NAA16: variants seen among roughly 807,000 people sequenced by gnomAD.
NAA16 encodes NARG1-like protein.
A neutral mutation model predicts 110.3 loss-of-function variants in NAA16; 97 were observed. The observed-to-expected ratio is 0.88, with a 90% CI of 0.75 to 1.04. The LOEUF (loss-of-function observed/expected upper bound fraction) is 1.04, where lower values mean the gene tolerates loss of function less well. Among genes scored for constraint, NAA16 ranks in the 50% least tolerant of loss-of-function variants. The pLI is 0.00. For synonymous variants in NAA16, 372 were observed against 330.6 expected (o/e 1.13, Z -1.36); for missense variants, 1,017 against 1,005.1 (o/e 1.01, Z -0.16).
intron 2 of NAA16, among the ~76,000 whole-genome samples, chr13:41,318,288 C>T (rs185875362): frequency 2.0e-5 from 3 of 152,048 alleles, no homozygotes; most frequent in East Asian, 3.9e-4. Flanking sequence ...TCACTGCAAC[C>T]TCTGCCTCCT....
chr13:41,342,010 T>C lies in NAA16; in HGVS notation c.1014+5254T>C, dbSNP rs9566749. Among the ~76,000 whole-genome samples the C allele has an allele frequency of 1.3e-3, 192 of 150,422 alleles. 2 individuals are homozygous for C. In the East Asian group the frequency reaches 0.031, roughly 24 times the overall value. On this transcript the variant is annotated intron_variant, in intron 9 of 19. Coordinates refer to ENST00000379406, the MANE Select transcript of NAA16 (RefSeq NM_024561.5). ...CCATGCCCGGCTAATTTTTTTGTAC[T>C]TTTAGTAGAGACGGGGTTTCACTGT...
intron 5 of NAA16, among the ~76,000 whole-genome samples, chr13:41,324,001 C>T (rs2042018537): frequency 6.6e-6 from 1 of 152,184 alleles, no homozygotes; most frequent in African/African-American, 2.4e-5. Flanking sequence ...ATACTCTAGA[C>T]TTGAGCTTCT....
At chr13:41,342,226 C>T (rs1158114847) in intron 9 of NAA16, among the ~76,000 whole-genome samples, 4 of 151,752 alleles carry the variant, frequency 2.6e-5, no homozygotes, top group Admixed American at 2.0e-4. Flanking sequence ...CAACTTCCGC[C>T]TCCCAGGTTC....
At chr13:41,312,279 A>G (rs2041632823) in intron 1 of NAA16, among the ~76,000 whole-genome samples, 1 of 152,218 alleles carries the variant, frequency 6.6e-6, no homozygotes, top group African/African-American at 2.4e-5. Context: ...GAGTAATTAA[A>G]GCCGCGTGGA....
rs138349089 is a variant in NAA16, at chr13:41,316,904, C to T, written c.113C>T (p.Ser38Leu). Residue 38 changes from serine to leucine, a missense_variant, in exon 2 of 20, where the codon TCG becomes TTG. By Grantham distance (145) the Ser-to-Leu change is moderately radical. Coordinates refer to ENST00000379406, the MANE Select transcript of NAA16 (RefSeq NM_024561.5). ...CTCAAGTTTTGCAAGATGATTCTGTCGAACCCAAAATTTGCTGAACATGGA... is the reference window on the plus strand; with the variant it reads ...CTCAAGTTTTGCAAGATGATTCTGTTGAACCCAAAATTTGCTGAACATGGA... The part of the protein sequence containing the change: ...NGLKFCKMIL[S>L]NPKFAEHGET... The T allele has an allele frequency of 1.4e-3, 2,207 of 1,613,332 alleles. 2 individuals are homozygous for T. The highest frequency in any genetic ancestry group is 2.0e-3 in the Admixed American group (120 of 60,008).
At chr13:41,328,623 G>T (rs573944083) in intron 6 of NAA16, 101 bp from the exon 7 acceptor site, 21 of 977,842 alleles carry the variant, frequency 2.1e-5, no homozygotes, top group Middle Eastern at 2.5e-4. Context: ...ACAGAGTTCT[G>T]TCTTTTTAAC....
chr13:41,333,909 C>G (rs1234736642), intron 8 of NAA16, among the ~76,000 whole-genome samples: 1 of 151,738 alleles, frequency 6.6e-6, no homozygotes, highest in Admixed American at 6.6e-5. Context: ...CTAGGACATG[C>G]TGTCTTTGAA....
intron 9 of NAA16, among the ~76,000 whole-genome samples, chr13:41,347,230 AAAACAAAAAC>A (rs2042708569): frequency 3.2e-5 from 2 of 62,702 alleles, no homozygotes; most frequent in Admixed American, 1.8e-4. Context: ...AAAAAAAACA[AAAACAAAAAC>A]AAAAAAAGAA....
At chr13:41,346,226 T>C (rs1463342707) in intron 9 of NAA16, among the ~76,000 whole-genome samples, 1 of 152,228 alleles carries the variant, frequency 6.6e-6, no homozygotes, top group African/African-American at 2.4e-5. Flanking sequence ...GCACCATTCG[T>C]TGAAGAGACT....
chr13:41,311,629 C>T (rs761949675), intron 1 of NAA16, 47 bp downstream of exon 1: 33 of 1,567,062 alleles, frequency 2.1e-5, no homozygotes, highest in Non-Finnish European at 2.6e-5. Flanking sequence ...CCCGGGTCCT[C>T]GGGCCTTAAG....
rs2042079360 is a variant in NAA16, at chr13:41,325,846, T to G, written c.686T>G (p.Ile229Ser). ...TGTGATAAACTTTTGGTGGAAGAAATTAAAGGTAAGTTGGCTTGCCTTTTT... is the reference window on the plus strand; with the variant it reads ...TGTGATAAACTTTTGGTGGAAGAAAGTAAAGGTAAGTTGGCTTGCCTTTTT... ...QICDKLLVEE[I>S]KGEILLKLGR... Residue 229 changes from isoleucine to serine, a missense_variant, in exon 6 of 20, where the codon ATT (isoleucine) becomes AGT (serine). Coordinates refer to ENST00000379406, the MANE Select transcript of NAA16 (RefSeq NM_024561.5). The G allele has an allele frequency of 1.3e-6, 2 of 1,596,588 alleles. No homozygotes were observed. Among genetic ancestry groups the G allele is most frequent in the South Asian group, 2.3e-5 (2 of 86,344 alleles).
rs1448909389 is a variant in NAA16, at chr13:41,311,364, G to A, written c.-165G>A. 1.3e-5 allele frequency: 8 copies of A among 638,990 alleles called. No homozygotes were observed. In the Admixed American group the frequency reaches 1.7e-4, roughly 14 times the overall value. 39.6% of individuals were successfully genotyped at this position (638,990 alleles called of 1,614,324 possible). ...CCGCCTTCCTTCTCCATTGCCACCC[G>A]TGCCGAACAGCCAGGCTGCCCAATT... On this transcript the variant is annotated 5_prime_UTR_variant, in exon 1 of 20. It adds an upstream start codon to the 5' untranslated region. Coordinates refer to ENST00000379406, the MANE Select transcript of NAA16 (RefSeq NM_024561.5).
At position 41,362,193 on chromosome 13, in the gene NAA16, TGTAAGGTGATAAA is replaced by T. The variant is rs1437960736; in HGVS notation, c.1539+35_1539+47del. 2.6e-6 allele frequency: 4 copies of T among 1,568,524 alleles called. No homozygotes were observed. In the African/African-American group the frequency reaches 4.2e-5, roughly 16 times the overall value. On this transcript the variant is annotated intron_variant, in intron 13 of 19. Coordinates refer to ENST00000379406, the MANE Select transcript of NAA16 (RefSeq NM_024561.5). The stretch of plus-strand genomic sequence containing the variant: ...TTAGAATTTCGACTTCAGTTTTCAC[TGTAAGGTGATAAA>T]AAGCAGGTAGATTTCTACACAGGAT...
intron 9 of NAA16, among the ~76,000 whole-genome samples, chr13:41,351,958 T>A (rs1390958127): frequency 6.6e-6 from 1 of 152,222 alleles, no homozygotes; most frequent in Admixed American, 6.5e-5. Flanking sequence ...TAAGTAAACT[T>A]GAGCGAAATA....
chr13:41,375,329 A>G (rs2043408141), intron 19 of NAA16, 76 bp from the exon 20 acceptor site: 3 of 1,021,416 alleles, frequency 2.9e-6, no homozygotes, highest in South Asian at 3.1e-5. Context: ...AACACATTGC[A>G]TCTTTTGATT....
chr13:41,340,550 A>G (rs1216142882), intron 9 of NAA16, among the ~76,000 whole-genome samples: 1 of 151,516 alleles, frequency 6.6e-6, no homozygotes, highest in Non-Finnish European at 1.5e-5. Context: ...GTTGGTTTCA[A>G]AGAACATCTT....
At chr13:41,343,334 C>T (rs2042601826) in intron 9 of NAA16, among the ~76,000 whole-genome samples, 2 of 152,144 alleles carry the variant, frequency 1.3e-5, no homozygotes, top group African/African-American at 4.8e-5. Context: ...AAGTGATTCT[C>T]CTGCCTTAGA....
At chr13:41,360,073 TAAG>T (rs1230280795) in intron 12 of NAA16, among the ~76,000 whole-genome samples, 10 of 152,260 alleles carry the variant, frequency 6.6e-5, no homozygotes, top group Middle Eastern at 3.4e-3. Context: ...GGTTTGAAAT[TAAG>T]AAGAGAGTAC....
In NAA16 at chr13:41,320,763, T is replaced by G; in HGVS notation, c.341T>G (p.Leu114Arg). ...GCCCTCAAATTAGATAAAGATAACCTGCAAATTTTGAGGGATCTCTCACTG... is the reference window on the plus strand; with the variant it reads ...GCCCTCAAATTAGATAAAGATAACCGGCAAATTTTGAGGGATCTCTCACTG... Reference protein sequence around the residue: ...RNALKLDKDNLQILRDLSLLQ... With the variant: ...RNALKLDKDNRQILRDLSLLQ... Residue 114 changes from leucine to arginine, a missense_variant, in exon 4 of 20, where the codon CTG (leucine) becomes CGG (arginine). Transcript: ENST00000379406. 1 of 1,613,296 alleles carries G rather than the reference T, an allele frequency of 6.2e-7. No individual in the cohort carries two copies. Among genetic ancestry groups the G allele is most frequent in the South Asian group, 1.1e-5 (1 of 90,840 alleles).
Sources: allele counts gnomAD v4.1 joint callset (sites outside exome capture counted in the v4.1 genomes callset), GRCh38; gene constraint gnomAD v4.1.1; transcripts MANE v1.5; gene names NCBI Gene and HGNC (gene_info 2026-07-23, HGNC 2026-07-21).